Variants in SLC25A21 observed in about 807,000 individuals in gnomAD.
The protein encoded by SLC25A21 is solute carrier family 25 member 21.
SLC25A21 carries 47 observed loss-of-function variants against 43.8 expected under a neutral mutation model. That is an observed-to-expected ratio of 1.07 (90% confidence interval 0.85 to 1.37). The LOEUF (loss-of-function observed/expected upper bound fraction) is 1.37, where lower values mean the gene tolerates loss of function less well. SLC25A21 is among the 40% of genes most tolerant of loss of function. The pLI, the probability that SLC25A21 is intolerant of heterozygous loss-of-function variation, is 0.00. For missense variants in SLC25A21, 352 were observed against 350.2 expected (o/e 1.00, Z -0.04); for synonymous variants, 131 against 121.3 (o/e 1.08, Z -0.52).
intron 1 of SLC25A21, among the ~76,000 whole-genome samples, chr14:37,089,666 C>G (rs17106290): frequency 0.15 from 22,814 of 152,106 alleles, 4,833 homozygotes; most frequent in African/African-American, 0.46. Context: ...TCTTTTGTCA[C>G]AAGGCAAAGG....
intron 3 of SLC25A21, among the ~76,000 whole-genome samples, chr14:36,768,761 C>T (rs1412983478): frequency 2.0e-5 from 3 of 152,004 alleles, no homozygotes; most frequent in African/African-American, 4.8e-5. Context: ...AGTTAATGCA[C>T]GGACAAAGCT....
intron 2 of SLC25A21, among the ~76,000 whole-genome samples, chr14:36,851,135 T>C (rs1889721334): frequency 6.6e-6 from 1 of 152,232 alleles, no homozygotes; most frequent in Non-Finnish European, 1.5e-5. Context: ...GAGTCACTAA[T>C]AGTTAACTAA....
chr14:37,100,089 C>T (rs1205041000), intron 1 of SLC25A21, among the ~76,000 whole-genome samples: 5 of 151,644 alleles, frequency 3.3e-5, no homozygotes, highest in Non-Finnish European at 7.4e-5. Flanking sequence ...GATGGAGTCT[C>T]ACTCTGTTGC....
At chr14:37,060,045 A>C (rs17841015) in intron 1 of SLC25A21, among the ~76,000 whole-genome samples, 27,095 of 152,010 alleles carry the variant, frequency 0.18, 5,293 homozygotes, top group African/African-American at 0.48. Flanking sequence ...GTGCTATGGA[A>C]TAAATGTAAC....
chr14:36,942,790 G>C (rs933050335), intron 1 of SLC25A21, among the ~76,000 whole-genome samples: 2 of 152,178 alleles, frequency 1.3e-5, no homozygotes, highest in African/African-American at 4.8e-5. Context: ...GTGAAGTTCA[G>C]TCTGTATTTG....
At chr14:36,756,264 T>C (rs1330878624) in intron 3 of SLC25A21, among the ~76,000 whole-genome samples, 1 of 152,190 alleles carries the variant, frequency 6.6e-6, no homozygotes, top group Non-Finnish European at 1.5e-5. Flanking sequence ...TGGAAGCTGG[T>C]GCCAGTTGGA....
chr14:37,018,732 T>C (rs944939392), intron 1 of SLC25A21, among the ~76,000 whole-genome samples: 5 of 151,970 alleles, frequency 3.3e-5, no homozygotes, highest in African/African-American at 7.2e-5. Context: ...AGCACATCCC[T>C]TCATGCACTC....
intron 3 of SLC25A21, among the ~76,000 whole-genome samples, chr14:36,812,938 A>G (rs1425306415): frequency 2.0e-5 from 3 of 152,320 alleles, no homozygotes; most frequent in Non-Finnish European, 4.4e-5. Flanking sequence ...TCCCTACTAC[A>G]TAATAGAAGC....
At chr14:36,695,491 T>C (rs1040404277) in intron 7 of SLC25A21, among the ~76,000 whole-genome samples, 10 of 152,222 alleles carry the variant, frequency 6.6e-5, no homozygotes, top group African/African-American at 2.2e-4. Context: ...AATCTATAAA[T>C]TACTTTGGGC....
At chr14:36,841,272 T>C (rs1594632661) in intron 2 of SLC25A21, among the ~76,000 whole-genome samples, 1 of 152,194 alleles carries the variant, frequency 6.6e-6, no homozygotes, top group African/African-American at 2.4e-5. Context: ...CAAAAGTATA[T>C]AATTCAGGTC....
At chr14:36,950,628 C>T (rs1468361204) in intron 1 of SLC25A21, among the ~76,000 whole-genome samples, 6 of 152,172 alleles carry the variant, frequency 3.9e-5, no homozygotes, top group African/African-American at 1.4e-4. Flanking sequence ...AATGAATTCA[C>T]AATTCCTATT....
At chr14:36,713,213 G>T (rs539092259) in intron 6 of SLC25A21, among the ~76,000 whole-genome samples, 4 of 152,276 alleles carry the variant, frequency 2.6e-5, no homozygotes, top group Non-Finnish European at 5.9e-5. Flanking sequence ...CTAAAATAAA[G>T]TGCAAATGAC....
At position 36,679,620 on chromosome 14, in the gene SLC25A21, T is replaced by A. The variant is rs898310400; in HGVS notation, c.*1038A>T. The A allele has an allele frequency of 4.1e-6, 4 of 985,290 alleles. No homozygotes were observed. The African/African-American group carries it at 7.0e-5, about 17-fold the overall frequency. 61.0% of individuals were successfully genotyped at this position (985,290 alleles called of 1,614,324 possible). ...TAAGTGTATTTCTTTTTCAGAACAT[T>A]TCCCCTTCATCATACATATTTTAAT... On this transcript the variant is annotated 3_prime_UTR_variant, in exon 10 of 10. Coordinates refer to ENST00000331299, the MANE Select transcript of SLC25A21 (RefSeq NM_030631.4).
chr14:36,979,332 G>T (rs72667335), intron 1 of SLC25A21, among the ~76,000 whole-genome samples: 13,175 of 119,038 alleles, frequency 0.11, 672 homozygotes, highest in African/African-American at 0.14. Flanking sequence ...TGTTTTTTTG[G>T]TTTTTTTTTT....
In SLC25A21 at chr14:36,870,146, G is replaced by A. The variant is rs551569204; in HGVS notation, c.119+4810C>T. Among the ~76,000 whole-genome samples, 23 of 152,250 alleles carry A rather than the reference G, an allele frequency of 1.5e-4. No homozygotes were observed. The South Asian group carries it at 3.3e-3, about 22-fold the overall frequency. On this transcript the variant is annotated intron_variant, in intron 2 of 9. Coordinates refer to ENST00000331299, the MANE Select transcript of SLC25A21 (RefSeq NM_030631.4). ...ACAATTGATTATGGATCAATAATGC[G>A]ACAGATGTAAGAAGGGGAAATGGGG...
At chr14:37,046,229 G>C (rs959335395) in intron 1 of SLC25A21, among the ~76,000 whole-genome samples, 1 of 152,158 alleles carries the variant, frequency 6.6e-6, no homozygotes, top group Admixed American at 6.5e-5. Flanking sequence ...ACGCTCTCAA[G>C]CTTTCCCAGA....
At chr14:37,014,058 C>G (rs1256293448) in intron 1 of SLC25A21, among the ~76,000 whole-genome samples, 1 of 152,202 alleles carries the variant, frequency 6.6e-6, no homozygotes, top group African/African-American at 2.4e-5. Flanking sequence ...GAACTGTGAT[C>G]TTTTTGCTGG....
intron 1 of SLC25A21, among the ~76,000 whole-genome samples, chr14:37,125,835 C>G (rs1405077535): frequency 1.3e-5 from 2 of 152,144 alleles, no homozygotes; most frequent in African/African-American, 4.8e-5. Flanking sequence ...TGTCCAAATG[C>G]TGTGGCAAGA....
intron 2 of SLC25A21, among the ~76,000 whole-genome samples, chr14:36,843,761 G>A (rs991937125): frequency 2.6e-5 from 4 of 152,128 alleles, no homozygotes; most frequent in African/African-American, 9.7e-5. Context: ...ATTAGCATTG[G>A]TACACAGTAA....
Sources: gnomAD v4.1 joint callset for allele counts (sites outside exome capture counted in the v4.1 genomes callset) on GRCh38, gnomAD v4.1.1 for gene constraint, MANE v1.5 for transcripts, NCBI Gene and HGNC (gene_info 2026-07-23, HGNC 2026-07-21) for gene names.